RYR3: variants seen among roughly 807,000 people sequenced by gnomAD.
RYR3 encodes ryanodine receptor 3.
RYR3 carries 207 observed loss-of-function variants against 584.3 expected under a neutral mutation model. The observed-to-expected ratio is 0.35, with a 90% confidence interval of 0.32 to 0.40. The LOEUF is 0.40. RYR3 is among the 10% of genes least tolerant of loss of function. The pLI is 1.00. For missense variants in RYR3, 5,616 were observed against 6,089.2 expected (o/e 0.92, Z 2.59); for synonymous variants, 2,416 against 2,248.5 (o/e 1.07, Z -2.11).
intron 1 of RYR3, among the ~76,000 whole-genome samples, chr15:33,379,687 C>CTCTCTATATATATATA: frequency 1.4e-4 from 17 of 125,522 alleles, no homozygotes; most frequent in African/African-American, 6.0e-4. Context: ...CTCTCTCTCT[C>CTCTCTATATATATATA]TATATATATA....
In RYR3 at chr15:33,857,932, GCGGGGCCAGCCCACCCAC is replaced by G. The variant is rs776984942; in HGVS notation, c.14142+19_14142+36del. ...TGATGACGGTGAGAGCCCACCCACT[GCGGGGCCAGCCCACCCAC>G]TGCGGGGCCACCCCGCCCCACCACC... On this transcript the variant is annotated intron_variant, in intron 99 of 103. Transcript: ENST00000634891. 4.3e-6 allele frequency: 6 copies of G among 1,379,670 alleles called. No homozygotes were observed. In the African/African-American group the frequency reaches 2.2e-4, roughly 50 times the overall value. 85.5% of individuals were successfully genotyped at this position (1,379,670 alleles called of 1,614,324 possible). A position where few individuals can be genotyped will look rare whatever the true frequency, so the allele number is the denominator to read the frequency against.
At chr15:33,581,441 A>G in intron 13 of RYR3, 67 bp from the exon 14 acceptor site, 1 of 1,485,308 alleles carries the variant, frequency 6.7e-7, no homozygotes, top group Admixed American at 1.7e-5. Flanking sequence ...ACAGGAGGGG[A>G]AAGAGCATAA....
intron 1 of RYR3, among the ~76,000 whole-genome samples, chr15:33,337,056 C>CAAAAAAA (rs71117134): frequency 2.2e-4 from 11 of 48,976 alleles, no homozygotes; most frequent in African/African-American, 7.0e-4. Context: ...GACTCCGTCT[C>CAAAAAAA]AAAAAAAAAA....
At chr15:33,469,290 A>G (rs544420754) in intron 1 of RYR3, among the ~76,000 whole-genome samples, 8 of 152,292 alleles carry the variant, frequency 5.3e-5, no homozygotes, top group East Asian at 3.9e-4. Flanking sequence ...GGGAAACCCA[A>G]CGCTACAGGG....
intron 29 of RYR3, 147 bp from the exon 30 acceptor site, chr15:33,647,277 C>T: frequency 1.6e-6 from 1 of 640,776 alleles, no homozygotes; most frequent in South Asian, 1.9e-5. Context: ...TGAATAAGTC[C>T]CAAGACTGGT....
chr15:33,615,299 G>A (rs4780134), intron 19 of RYR3, among the ~76,000 whole-genome samples: 44,465 of 152,082 alleles, frequency 0.29, 7,368 homozygotes, highest in Middle Eastern at 0.38. Context: ...TTTTCAGGGT[G>A]AAACCACTCC....
At chr15:33,715,192 T>C (rs1596291397) in intron 43 of RYR3, among the ~76,000 whole-genome samples, 2 of 152,342 alleles carry the variant, frequency 1.3e-5, no homozygotes, top group South Asian at 4.1e-4. Flanking sequence ...GTGTAGACAC[T>C]TAAGAATCAT....
chr15:33,715,450 C>T (rs890068721), intron 43 of RYR3, among the ~76,000 whole-genome samples: 3 of 152,172 alleles, frequency 2.0e-5, no homozygotes, highest in African/African-American at 2.4e-5. Context: ...TCAGGAGATA[C>T]AATCATGCTA....
At chr15:33,391,715 TTTTTG>T (rs2042011330) in intron 1 of RYR3, among the ~76,000 whole-genome samples, 2 of 151,744 alleles carry the variant, frequency 1.3e-5, no homozygotes, top group Admixed American at 6.6e-5. Context: ...TAGTGTTGAG[TTTTTG>T]TTTTGACTCC....
At chr15:33,435,078 C>T (rs2045545204) in intron 1 of RYR3, among the ~76,000 whole-genome samples, 1 of 152,098 alleles carries the variant, frequency 6.6e-6, no homozygotes, top group African/African-American at 2.4e-5. Context: ...CCTCGACCTC[C>T]CAAAGTGCTG....
chr15:33,624,562 G>T (rs1030868850), intron 20 of RYR3, among the ~76,000 whole-genome samples: 1 of 152,150 alleles, frequency 6.6e-6, no homozygotes, highest in Non-Finnish European at 1.5e-5. Flanking sequence ...GTGGCAATGC[G>T]TATTCTCATA....
At position 33,745,208 on chromosome 15, in the gene RYR3, G is replaced by A. The variant is rs1249930394; in HGVS notation, c.7900-860G>A. Reference sequence around the variant, plus strand: ...GGCTGTTCACTCCACTTCATCCAGGGGACCCACGAGGAGACATGTAGAGAA... The same window carrying A: ...GGCTGTTCACTCCACTTCATCCAGGAGACCCACGAGGAGACATGTAGAGAA... On this transcript the variant is annotated intron_variant, in intron 52 of 103. Transcript: ENST00000634891. Among the ~76,000 whole-genome samples, 8 of 152,198 alleles carry A rather than the reference G, an allele frequency of 5.3e-5. 1 individual carries two copies. The South Asian group carries it at 1.5e-3, about 28-fold the overall frequency.
intron 1 of RYR3, among the ~76,000 whole-genome samples, chr15:33,354,582 C>T (rs1595827258): frequency 6.6e-6 from 1 of 152,300 alleles, no homozygotes; most frequent in East Asian, 1.9e-4. Flanking sequence ...AATGCCAAGC[C>T]TTTCATCTTC....
chr15:33,789,343 G>A (rs989293822), intron 67 of RYR3, among the ~76,000 whole-genome samples: 1 of 151,926 alleles, frequency 6.6e-6, no homozygotes, highest in East Asian at 1.9e-4. Flanking sequence ...TGTAGCAAGA[G>A]GTGGAGGCAG....
chr15:33,817,005 G>C (rs2076851328), intron 75 of RYR3, 47 bp downstream of exon 75: 2 of 1,178,156 alleles, frequency 1.7e-6, no homozygotes, highest in Non-Finnish European at 2.5e-6. Flanking sequence ...GGATGAATTT[G>C]ATTTTCGAAT....
intron 67 of RYR3, among the ~76,000 whole-genome samples, chr15:33,797,840 C>T (rs1347855498): frequency 6.6e-6 from 1 of 152,184 alleles, no homozygotes; most frequent in Admixed American, 6.5e-5. Flanking sequence ...AAGGAATGAA[C>T]AGCTGGTAGT....
intron 36 of RYR3, among the ~76,000 whole-genome samples, chr15:33,668,776 C>G (rs2063640131): frequency 6.6e-6 from 1 of 152,064 alleles, no homozygotes; most frequent in African/African-American, 2.4e-5. Flanking sequence ...ACCTGTTCCT[C>G]TAGTCATTTT....
Position 33,624,039 on chromosome 15 carries a change from C to T in RYR3, c.2574+16C>T. 1.3e-6 allele frequency: 2 copies of T among 1,563,860 alleles called. No individual in the cohort carries two copies. Among genetic ancestry groups the T allele is most frequent in the Middle Eastern group, 1.8e-4 (1 of 5,554 alleles). On this transcript the variant is annotated intron_variant, in intron 20 of 103. Transcript: ENST00000634891. ...CACCAGTCAGGTAGGTTCAAATTGCCCGCAGAAGGCAACCAATATAGATGA... is the reference window on the plus strand; with the variant it reads ...CACCAGTCAGGTAGGTTCAAATTGCTCGCAGAAGGCAACCAATATAGATGA...
At chr15:33,322,617 T>C (rs1260183972) in intron 1 of RYR3, among the ~76,000 whole-genome samples, 1 of 152,224 alleles carries the variant, frequency 6.6e-6, no homozygotes, top group Non-Finnish European at 1.5e-5. Flanking sequence ...TCTGACTTAT[T>C]TATTTTTGTA....
Sources: gnomAD v4.1 joint callset for allele counts (sites outside exome capture counted in the v4.1 genomes callset) on GRCh38, gnomAD v4.1.1 for gene constraint, MANE v1.5 for transcripts, NCBI Gene and HGNC (gene_info 2026-07-23, HGNC 2026-07-21) for gene names.